The following RTL4 variants were observed in gnomAD, a reference collection of about 807,000 sequenced individuals.
RTL4 encodes the protein retrotransposon Gag-like protein 4.
A neutral mutation model predicts 5.3 loss-of-function variants in RTL4; 4 were observed. The ratio of observed to expected loss-of-function variants is 0.75; its 90% confidence interval spans 0.37 to 1.72. The LOEUF (loss-of-function observed/expected upper bound fraction) is 1.72, where lower values mean the gene tolerates loss of function less well. RTL4 is among the 40% of genes most tolerant of loss of function. RTL4 has a pLI of 0.04. For synonymous variants in RTL4, 98 were observed against 87.3 expected, an observed-to-expected ratio of 1.12 and a Z score of -0.68; for missense variants, 260 against 227.1, an observed-to-expected ratio of 1.14 and a Z score of -0.93.
At chrX:112,166,878 C>T in the RTL4 span, among the ~76,000 whole-genome samples, 2 of 111,937 alleles carry the variant, frequency 1.8e-5, no homozygotes, top group Admixed American at 1.9e-4. Flanking sequence ...ACATAAATAA[C>T]ATAAGTAATT....
chrX:112,280,635 T>C, the RTL4 span, among the ~76,000 whole-genome samples: 2 of 109,793 alleles, frequency 1.8e-5, no homozygotes, highest in Admixed American at 1.9e-4. Context: ...ACCAAAAGCA[T>C]GCACCACCAT....
At chrX:112,110,044 T>C in the RTL4 span, among the ~76,000 whole-genome samples, 1 of 111,688 alleles carries the variant, frequency 9.0e-6, no homozygotes. Flanking sequence ...AGGCGAGTAA[T>C]AGCAAGATGG....
At chrX:112,291,722 G>A in the RTL4 span, among the ~76,000 whole-genome samples, 1 of 110,183 alleles carries the variant, frequency 9.1e-6, no homozygotes, top group Non-Finnish European at 1.9e-5. Context: ...TCAGCCTCCC[G>A]AGTAGCTGGG....
the RTL4 span, among the ~76,000 whole-genome samples, chrX:112,196,788 T>C: frequency 9.0e-6 from 1 of 111,672 alleles, no homozygotes; most frequent in Non-Finnish European, 1.9e-5. Context: ...TTTAGTAGAA[T>C]GTCTCTTCAT....
chrX:112,140,594 T>C, the RTL4 span, among the ~76,000 whole-genome samples: 4 of 110,834 alleles, frequency 3.6e-5, no homozygotes, highest in Non-Finnish European at 7.6e-5. Flanking sequence ...CCTCATGTGG[T>C]GAAAAGGGCA....
chrX:112,114,732 G>A, the RTL4 span, among the ~76,000 whole-genome samples: 2 of 111,178 alleles, frequency 1.8e-5, no homozygotes, highest in Admixed American at 1.9e-4. Context: ...CAATAGGAAG[G>A]GGAGCTATCG....
chrX:112,310,765 T>C, the RTL4 span, among the ~76,000 whole-genome samples: 46 of 79,917 alleles, frequency 5.8e-4, no homozygotes, highest in African/African-American at 2.1e-3. Context: ...TATATTTCAA[T>C]ATTATATATA....
At chrX:112,451,137 T>G (rs1683594529), upstream of RTL4, among the ~76,000 whole-genome samples, 1 of 111,622 alleles carries the variant, frequency 9.0e-6, no homozygotes, top group South Asian at 3.8e-4. Flanking sequence ...CTGAAAAAAT[T>G]TAAATTCTAA....
the RTL4 span, among the ~76,000 whole-genome samples, chrX:112,203,918 C>A: frequency 1.8e-5 from 2 of 112,359 alleles, no homozygotes; most frequent in African/African-American, 6.5e-5. Flanking sequence ...TTATTGAGGT[C>A]TTTGATTTCT....
At chrX:112,165,005 C>T in the RTL4 span, among the ~76,000 whole-genome samples, 2 of 111,980 alleles carry the variant, frequency 1.8e-5, no homozygotes, top group Non-Finnish European at 3.8e-5. Context: ...CATTCCTGTA[C>T]CTGACCTTAT....
the RTL4 span, among the ~76,000 whole-genome samples, chrX:112,194,150 C>A: frequency 2.7e-5 from 3 of 111,870 alleles, no homozygotes; most frequent in African/African-American, 6.5e-5. Context: ...ATTGCATAAC[C>A]AATAGTTTAT....
At chrX:112,299,041 A>C in the RTL4 span, among the ~76,000 whole-genome samples, 1 of 112,151 alleles carries the variant, frequency 8.9e-6, no homozygotes, top group Admixed American at 9.5e-5. Context: ...TAGGTCATTC[A>C]AGACAGGGCA....
chrX:112,397,700 A>G, the RTL4 span, among the ~76,000 whole-genome samples: 1 of 111,797 alleles, frequency 8.9e-6, no homozygotes, highest in East Asian at 2.8e-4. Context: ...CAGCCTATAG[A>G]TCTTATACAT....
At chrX:112,333,966 A>G in the RTL4 span, among the ~76,000 whole-genome samples, 2 of 98,986 alleles carry the variant, frequency 2.0e-5, no homozygotes, top group African/African-American at 7.5e-5. Flanking sequence ...ACCTTTTCCA[A>G]CCTCTGGAAA....
the RTL4 span, among the ~76,000 whole-genome samples, chrX:112,187,425 G>A: frequency 9.0e-6 from 1 of 111,498 alleles, no homozygotes; most frequent in Non-Finnish European, 1.9e-5. Flanking sequence ...TCAATCATCA[G>A]TCTTTTATTA....
the RTL4 span, among the ~76,000 whole-genome samples, chrX:112,130,226 TTTTTC>T: frequency 1.6e-4 from 17 of 109,271 alleles, no homozygotes; most frequent in East Asian, 5.7e-4. Context: ...CACTAGTTGA[TTTTTC>T]TTTTCTTTTC....
the RTL4 span, among the ~76,000 whole-genome samples, chrX:112,354,628 G>A: frequency 9.0e-6 from 1 of 111,403 alleles, no homozygotes; most frequent in East Asian, 2.9e-4. Flanking sequence ...GCCTTTCTTA[G>A]CATTTTCTCC....
the RTL4 span, among the ~76,000 whole-genome samples, chrX:112,346,443 G>C: frequency 0.21 from 23,092 of 110,794 alleles, 1,860 homozygotes; most frequent in Admixed American, 0.32. Context: ...CTTATCAATG[G>C]ACTCAAAAGC....
At chrX:112,445,805 T>A in the RTL4 span, among the ~76,000 whole-genome samples, 1 of 111,991 alleles carries the variant, frequency 8.9e-6, no homozygotes, top group Non-Finnish European at 1.9e-5. Context: ...CAATAAAAAT[T>A]TATTATATAA....
Sources: gnomAD v4.1 joint callset for allele counts (sites outside exome capture counted in the v4.1 genomes callset) on GRCh38, gnomAD v4.1.1 for gene constraint, MANE v1.5 for transcripts, NCBI Gene and HGNC (gene_info 2026-07-23, HGNC 2026-07-21) for gene names.